Variants in ASAP1 observed in about 807,000 individuals in gnomAD.
ASAP1 encodes the protein arf-GAP with SH3 domain, ANK repeat and PH domain-containing protein 1.
Under a neutral mutation model 145.2 loss-of-function variants are expected in ASAP1, and 43 were observed. The ratio of observed to expected loss-of-function variants is 0.30; its 90% CI spans 0.23 to 0.38. ASAP1 has a LOEUF of 0.38. ASAP1 is among the 10% of genes least tolerant of loss of function. The pLI, the probability that ASAP1 is intolerant of heterozygous loss-of-function variation, is 1.00. For missense variants in ASAP1, 1,018 were observed against 1,355.3 expected (o/e 0.75, Z 3.91); for synonymous variants, 546 against 515.5 (o/e 1.06, Z -0.80).
At chr8:130,146,940 C>T (rs1565015613) in intron 13 of ASAP1, among the ~76,000 whole-genome samples, 2 of 151,982 alleles carry the variant, frequency 1.3e-5, no homozygotes, top group Non-Finnish European at 2.9e-5. Flanking sequence ...AAAAGAATTC[C>T]AACGGCCAGG....
At chr8:130,414,582 T>A (rs1205569819) in intron 1 of ASAP1, among the ~76,000 whole-genome samples, 1 of 152,180 alleles carries the variant, frequency 6.6e-6, no homozygotes, top group Non-Finnish European at 1.5e-5. Context: ...GTGATTTCCA[T>A]CCAGAAATAC....
intron 3 of ASAP1, among the ~76,000 whole-genome samples, chr8:130,241,133 CT>C (rs917254880): frequency 1.1e-4 from 17 of 152,116 alleles, no homozygotes; most frequent in Non-Finnish European, 2.1e-4. Flanking sequence ...GACATTTGAA[CT>C]AGTTGATTGC....
chr8:130,177,567 C>A (rs1814049434), intron 9 of ASAP1, among the ~76,000 whole-genome samples: 1 of 152,134 alleles, frequency 6.6e-6, no homozygotes, highest in African/African-American at 2.4e-5. Flanking sequence ...AACCACACTA[C>A]AAAGCCAAAA....
intron 2 of ASAP1, among the ~76,000 whole-genome samples, chr8:130,372,344 C>T (rs1028198544): frequency 6.6e-6 from 1 of 152,196 alleles, no homozygotes; most frequent in Non-Finnish European, 1.5e-5. Flanking sequence ...GCTTTAAAAT[C>T]AATGTTCTGC....
At chr8:130,179,174 G>A (rs1814177327) in intron 9 of ASAP1, 90 bp downstream of exon 9, 1 of 752,726 alleles carries the variant, frequency 1.3e-6, no homozygotes, top group Non-Finnish European at 2.2e-6. Flanking sequence ...GTCACGAGAT[G>A]AAGAAAAGAT....
chr8:130,182,821 T>A (rs1434593664), intron 7 of ASAP1, among the ~76,000 whole-genome samples: 8 of 40,836 alleles, frequency 2.0e-4, no homozygotes, highest in East Asian at 1.1e-3. Flanking sequence ...AAATAGAAAC[T>A]ATAAAAAGGC....
At chr8:130,327,580 A>G (rs1472374656) in intron 3 of ASAP1, among the ~76,000 whole-genome samples, 2 of 152,200 alleles carry the variant, frequency 1.3e-5, no homozygotes, top group Admixed American at 6.5e-5. Context: ...ATTAATATAA[A>G]TATTTCCTAT....
At chr8:130,071,011 G>GGA (rs1230151527) in intron 27 of ASAP1, among the ~76,000 whole-genome samples, 654 of 11,422 alleles carry the variant, frequency 0.057, 169 homozygotes, top group Non-Finnish European at 0.077. Context: ...GGGGAGGGGG[G>GGA]GAGAGAGAGA....
chr8:130,204,820 A>C (rs1028230362), intron 5 of ASAP1, among the ~76,000 whole-genome samples: 2 of 152,208 alleles, frequency 1.3e-5, no homozygotes, highest in Admixed American at 1.3e-4. Flanking sequence ...TTGGGGGTTC[A>C]TGTATTACTG....
At chr8:130,239,476 AAC>A (rs1332366364) in intron 3 of ASAP1, among the ~76,000 whole-genome samples, 1 of 152,090 alleles carries the variant, frequency 6.6e-6, no homozygotes, top group African/African-American at 2.4e-5. Context: ...GGTCTTTGAC[AAC>A]ACAGAGCCTT....
chr8:130,332,464 T>C (rs926293407), intron 3 of ASAP1, among the ~76,000 whole-genome samples: 4 of 152,248 alleles, frequency 2.6e-5, no homozygotes, highest in Admixed American at 6.5e-5. Flanking sequence ...TTTCATTATT[T>C]GTACACTGTC....
At chr8:130,223,758 T>C (rs1384146176) in intron 4 of ASAP1, among the ~76,000 whole-genome samples, 1 of 152,136 alleles carries the variant, frequency 6.6e-6, no homozygotes, top group Non-Finnish European at 1.5e-5. Flanking sequence ...ACTTCCTTAA[T>C]TTCCCATACT....
intron 2 of ASAP1, among the ~76,000 whole-genome samples, chr8:130,364,361 T>C (rs1204196233): frequency 2.0e-5 from 3 of 152,218 alleles, no homozygotes; most frequent in African/African-American, 7.2e-5. Context: ...TCCTGAGTCA[T>C]TGCAGGCGCA....
chr8:130,275,796 GATTT>G (rs1820846481), intron 3 of ASAP1, among the ~76,000 whole-genome samples: 1 of 152,144 alleles, frequency 6.6e-6, no homozygotes, highest in Non-Finnish European at 1.5e-5. Flanking sequence ...AGAAAAGATA[GATTT>G]ATTTTGCTTT....
chr8:130,212,982 AG>A (rs1221428308), intron 5 of ASAP1, among the ~76,000 whole-genome samples: 1 of 152,232 alleles, frequency 6.6e-6, no homozygotes, highest in Admixed American at 6.5e-5. Context: ...GTCCTTTACC[AG>A]CTATTACCAA....
chr8:130,424,431 A>C (rs1034738674), intron 1 of ASAP1, among the ~76,000 whole-genome samples: 19 of 152,218 alleles, frequency 1.2e-4, no homozygotes, highest in Non-Finnish European at 2.6e-4. Context: ...GCCCTTCAGC[A>C]CCGCTGATTC....
chr8:130,115,262 A>G (rs144044812), intron 23 of ASAP1, among the ~76,000 whole-genome samples: 367 of 152,342 alleles, frequency 2.4e-3, no homozygotes, highest in African/African-American at 8.6e-3. Context: ...GAGGTCCCCC[A>G]AAGGGTAAGG....
At chr8:130,423,171 T>C (rs1829788716) in intron 1 of ASAP1, among the ~76,000 whole-genome samples, 1 of 152,170 alleles carries the variant, frequency 6.6e-6, no homozygotes, top group Admixed American at 6.6e-5. Context: ...TGGGTCAATC[T>C]CGGCTCACTG....
chr8:130,370,369 G>A (rs1440566172), intron 2 of ASAP1, among the ~76,000 whole-genome samples: 1 of 152,106 alleles, frequency 6.6e-6, no homozygotes, highest in African/African-American at 2.4e-5. Context: ...GCCATATAAG[G>A]ACACAATGAG....
Sources: gnomAD v4.1 joint callset for allele counts (sites outside exome capture counted in the v4.1 genomes callset) on GRCh38, gnomAD v4.1.1 for gene constraint, MANE v1.5 for transcripts, NCBI Gene and HGNC (gene_info 2026-07-23, HGNC 2026-07-21) for gene names.